ICA1: variants seen among roughly 807,000 people sequenced by gnomAD.
ICA1 encodes the protein 69 kDa islet cell autoantigen.
A neutral mutation model predicts 71.0 loss-of-function variants in ICA1; 40 were observed. That is an observed-to-expected ratio of 0.56 (90% CI 0.44 to 0.73). The LOEUF is 0.73. Ranked by LOEUF, ICA1 falls within the 30% of genes least tolerant of loss-of-function variation. The probability of loss-of-function intolerance (pLI) is 0.00; values close to 1 mark genes in which losing one functional copy is unlikely to be tolerated. For synonymous variants in ICA1, 207 were observed against 209.5 expected (o/e 0.99, Z 0.10); for missense variants, 578 against 576.5 (o/e 1.00, Z -0.03).
chr7:8,214,344 AC>A (rs1342089748), intron 6 of ICA1, among the ~76,000 whole-genome samples: 1 of 152,132 alleles, frequency 6.6e-6, no homozygotes, highest in African/African-American at 2.4e-5. Flanking sequence ...TTTAAATCAT[AC>A]CCTTTTACTC....
chr7:8,260,849 A>C (rs1445860224), intron 1 of ICA1, among the ~76,000 whole-genome samples: 1 of 152,170 alleles, frequency 6.6e-6, no homozygotes, highest in East Asian at 1.9e-4. Flanking sequence ...CAAACTAAGC[A>C]TTTCTTATTT....
At chr7:8,250,184 G>C (rs1412557193) in intron 1 of ICA1, among the ~76,000 whole-genome samples, 2 of 152,150 alleles carry the variant, frequency 1.3e-5, no homozygotes, top group East Asian at 3.8e-4. Flanking sequence ...ATTTTTCCTA[G>C]ATGTTTGTCT....
At chr7:8,131,076 C>T (rs540091115) in intron 12 of ICA1, among the ~76,000 whole-genome samples, 12 of 152,252 alleles carry the variant, frequency 7.9e-5, no homozygotes, top group Admixed American at 3.9e-4. Context: ...GGACACCTCC[C>T]GGAATTTGGT....
At chr7:8,174,758 A>C (rs1584903848) in intron 6 of ICA1, among the ~76,000 whole-genome samples, 2 of 13,012 alleles carry the variant, frequency 1.5e-4, no homozygotes, top group Non-Finnish European at 3.1e-4. Context: ...TGTATCTCAA[A>C]AAAAAAAAAA....
intron 1 of ICA1, among the ~76,000 whole-genome samples, chr7:8,249,375 G>A (rs1055856382): frequency 1.3e-5 from 2 of 152,232 alleles, no homozygotes; most frequent in African/African-American, 2.4e-5. Flanking sequence ...GTAACTAACC[G>A]TAAGCAGTTG....
Position 8,222,541 on chromosome 7 carries a change from T to C in ICA1, c.257-1143A>G, listed in dbSNP as rs371066867. Reference sequence around the variant, plus strand: ...ACCCCCATTCCTGACATAATCTCACTAACAATAATTGTAGGACATTAGGCA... The same window carrying C: ...ACCCCCATTCCTGACATAATCTCACCAACAATAATTGTAGGACATTAGGCA... On this transcript the variant is annotated intron_variant, in intron 4 of 13. Transcript: ENST00000402384. This position sits in a 1 kb window ranked among gnomAD's most constrained non-coding sequence, Gnocchi z 4.8. 2.0e-5 allele frequency among the ~76,000 whole-genome samples: 3 copies of C among 152,210 alleles called. No individual in the cohort carries two copies. Among genetic ancestry groups the C allele is most frequent in the African/African-American group, 7.2e-5 (3 of 41,466 alleles).
intron 1 of ICA1, among the ~76,000 whole-genome samples, chr7:8,255,002 C>T (rs1010235407): frequency 1.3e-5 from 2 of 152,166 alleles, no homozygotes; most frequent in African/African-American, 4.8e-5. Context: ...ACTCTCTGTG[C>T]ACCCCTGCTC....
intron 13 of ICA1, chr7:8,114,927 T>C (rs1002869678): frequency 1.3e-5 from 2 of 152,322 alleles, no homozygotes; most frequent in Admixed American, 6.5e-5. Context: ...GTGATCCTTC[T>C]AGCTGAGAGC....
intron 6 of ICA1, among the ~76,000 whole-genome samples, chr7:8,211,499 G>A (rs187380089): frequency 1.3e-5 from 2 of 151,192 alleles, no homozygotes; most frequent in Non-Finnish European, 2.9e-5. Flanking sequence ...CATGGGCCCT[G>A]GATTTCATTT....
chr7:8,122,525 C>T (rs1360260465), intron 13 of ICA1, among the ~76,000 whole-genome samples: 4 of 152,246 alleles, frequency 2.6e-5, no homozygotes, highest in South Asian at 2.1e-4. Context: ...TGCACTTTGG[C>T]GGAACTCCGT....
Position 8,128,072 on chromosome 7 carries a change from A to T in ICA1, c.1131T>A (p.Ser377Arg). The T allele has an allele frequency of 6.2e-7, 1 of 1,613,364 alleles. No homozygotes were observed. Residue 377 changes from serine to arginine, a missense_variant, in exon 13 of 14, where the codon AGT becomes AGA. Coordinates refer to ENST00000402384, the MANE Select transcript of ICA1 (RefSeq NM_001136020.3). ...CCAAGGAGGAAGCATTGAAGATCTC[A>T]CTCAACAGCAGCAGGTCATCTTTGT... ...GADKDDLLLL[S>R]EIFNASSLEE...
rs892631518 is a variant in ICA1 at position 8,223,625 on chromosome 7, G to A, written c.257-2227C>T. On this transcript the variant is annotated intron_variant, in intron 4 of 13. Coordinates refer to ENST00000402384, the MANE Select transcript of ICA1 (RefSeq NM_001136020.3). This position sits in a 1 kb window ranked among gnomAD's most constrained non-coding sequence, Gnocchi z 4.1. Reference sequence around the variant, plus strand: ...AAGTTTAAAATTCAGGTATAACATAGGTATCAGGTAACGCAAAAGGGCTGA... The same window carrying A: ...AAGTTTAAAATTCAGGTATAACATAAGTATCAGGTAACGCAAAAGGGCTGA... 1.9e-5 allele frequency: 3 copies of A among 154,104 alleles called. No homozygotes were observed. The highest frequency in any genetic ancestry group is 4.4e-5 in the Non-Finnish European group (3 of 68,018). 9.5% of individuals were successfully genotyped at this position (154,104 alleles called of 1,614,324 possible).
At chr7:8,114,157 A>C in intron 13 of ICA1, 113 bp from the exon 14 acceptor site, 1 of 1,187,038 alleles carries the variant, frequency 8.4e-7, no homozygotes, top group Admixed American at 1.8e-5. Flanking sequence ...CAATCAGACA[A>C]ATCCCTTTGC....
intron 6 of ICA1, among the ~76,000 whole-genome samples, chr7:8,159,439 C>T (rs1802877695): frequency 6.6e-6 from 1 of 152,226 alleles, no homozygotes; most frequent in African/African-American, 2.4e-5. Flanking sequence ...AGGCCAGGCA[C>T]AGTGGCTTAA....
At chr7:8,247,002 T>C (rs1053268665) in intron 1 of ICA1, among the ~76,000 whole-genome samples, 2 of 151,402 alleles carry the variant, frequency 1.3e-5, no homozygotes, top group African/African-American at 4.8e-5. Context: ...CGCCTTGGCC[T>C]CCCAAAGTGC....
chr7:8,176,523 AG>A (rs972195916), intron 6 of ICA1, among the ~76,000 whole-genome samples: 2 of 152,158 alleles, frequency 1.3e-5, no homozygotes, highest in Admixed American at 6.5e-5. Context: ...AGCTGCACGA[AG>A]GGGGAAACCA....
At chr7:8,147,089 C>T (rs907473547) in intron 8 of ICA1, among the ~76,000 whole-genome samples, 10 of 151,986 alleles carry the variant, frequency 6.6e-5, no homozygotes, top group South Asian at 2.1e-4. Context: ...TATCAATCAA[C>T]GCTAGGCAGG....
intron 6 of ICA1, among the ~76,000 whole-genome samples, chr7:8,189,742 G>A (rs1158407180): frequency 1.3e-5 from 2 of 151,670 alleles, no homozygotes; most frequent in African/African-American, 2.4e-5. Context: ...GGTAGGCAGC[G>A]CTCCCTTGAG....
intron 6 of ICA1, among the ~76,000 whole-genome samples, chr7:8,201,744 C>T (rs1789777043): frequency 6.6e-6 from 1 of 152,198 alleles, no homozygotes; most frequent in South Asian, 2.1e-4. Context: ...GCTGAGGGTG[C>T]TGGCCAGTAA....
Sources: allele counts gnomAD v4.1 joint callset (sites outside exome capture counted in the v4.1 genomes callset), GRCh38; gene constraint gnomAD v4.1.1; non-coding constraint Gnocchi (gnomAD v3.1); transcripts MANE v1.5; gene names NCBI Gene and HGNC (gene_info 2026-07-23, HGNC 2026-07-21).